The following DENND1B variants were observed in gnomAD, a reference collection of about 807,000 sequenced individuals.
DENND1B encodes DENN domain-containing protein 1B.
In DENND1B, 59 loss-of-function variants were observed where a neutral mutation model predicts 90.1. The ratio of observed to expected loss-of-function variants is 0.65; its 90% CI spans 0.53 to 0.81. The LOEUF is 0.81. Among genes scored for constraint, DENND1B ranks in the 40% least tolerant of loss-of-function variants. The probability of loss-of-function intolerance (pLI) is 0.00; values close to 1 mark genes in which losing one functional copy is unlikely to be tolerated. For synonymous variants in DENND1B, 337 were observed against 324.6 expected (o/e 1.04, Z -0.41); for missense variants, 862 against 912.6 (o/e 0.94, Z 0.71).
At chr1:197,776,631 T>G (rs920647354), upstream of DENND1B, among the ~76,000 whole-genome samples, 4 of 152,160 alleles carry the variant, frequency 2.6e-5, no homozygotes, top group Non-Finnish European at 5.9e-5. Context: ...TCATAAGACA[T>G]AAAAGTCAGA....
chr1:197,610,991 T>C (rs1677135417), intron 12 of DENND1B, among the ~76,000 whole-genome samples: 1 of 150,718 alleles, frequency 6.6e-6, no homozygotes, highest in Non-Finnish European at 1.5e-5. Flanking sequence ...TAAAGGGGCG[T>C]GACTCTTTCC....
intron 2 of DENND1B, among the ~76,000 whole-genome samples, chr1:197,721,520 G>A (rs891977167): frequency 2.3e-5 from 1 of 43,828 alleles, no homozygotes. Context: ...CCTTCAAAAG[G>A]AAAGGACATA....
chr1:197,610,160 G>T (rs1677051819), intron 12 of DENND1B, among the ~76,000 whole-genome samples: 1 of 150,768 alleles, frequency 6.6e-6, no homozygotes, highest in East Asian at 2.0e-4. Flanking sequence ...AAGACACTTA[G>T]ATAAGTCCAG....
At chr1:197,739,845 C>A (rs1448984051) in intron 2 of DENND1B, among the ~76,000 whole-genome samples, 1 of 152,152 alleles carries the variant, frequency 6.6e-6, no homozygotes, top group Non-Finnish European at 1.5e-5. Flanking sequence ...CAAATGATTT[C>A]ATCTTAATAA....
chr1:197,655,680 C>A (rs895907212), intron 6 of DENND1B, among the ~76,000 whole-genome samples: 3 of 152,008 alleles, frequency 2.0e-5, no homozygotes, highest in Non-Finnish European at 4.4e-5. Flanking sequence ...TACAGGCGCC[C>A]GCCACCACAC....
In DENND1B at chr1:197,510,613, A is replaced by G. The variant is rs759652031; in HGVS notation, c.2175T>C (p.Thr725=). The change falls in exon 23 of 23, where the codon ACT becomes ACC. Residue 725 remains threonine, a synonymous_variant. Transcript: ENST00000620048. The part of the protein sequence containing the change: ...LIPGLGRHSS[T]FVPWEKEGKE... ...TCCCTTCTTTCTCCCAAGGAACAAAAGTCGATGAATGCCGCCCAAGACCGG... is the reference window on the plus strand; with the variant it reads ...TCCCTTCTTTCTCCCAAGGAACAAAGGTCGATGAATGCCGCCCAAGACCGG... The G allele has an allele frequency of 2.8e-5, 45 of 1,612,720 alleles. No homozygotes were observed. The highest frequency in any genetic ancestry group is 3.7e-5 in the Non-Finnish European group (44 of 1,179,248).
chr1:197,739,860 T>C (rs1183357419), intron 2 of DENND1B, among the ~76,000 whole-genome samples: 1 of 152,186 alleles, frequency 6.6e-6, no homozygotes, highest in African/African-American at 2.4e-5. Context: ...TAATAAAACA[T>C]AATTGAGTCT....
chr1:197,528,847 G>A (rs1323649914), intron 20 of DENND1B, among the ~76,000 whole-genome samples: 4 of 134,144 alleles, frequency 3.0e-5, no homozygotes, highest in African/African-American at 5.1e-5. Context: ...GTGACAGAGC[G>A]AGACTCATCT....
rs763135103 is a variant in DENND1B, at chr1:197,510,810, G to T, written c.1978C>A (p.Leu660Met). ...CTGTTTTCCTCTTTCAGGATAAACA[G>T]AGAATCTGTCAAACCACTAGAGGAA... ...RVSSSGLTDS[L>M]FILKEENSNK... The change falls in exon 23 of 23, where the codon CTG (leucine) becomes ATG (methionine). Residue 660 changes from leucine to methionine, a missense_variant. Leu to Met is a conservative substitution (Grantham distance 15). Coordinates refer to ENST00000620048, the MANE Select transcript of DENND1B (RefSeq NM_001195215.2). 1.2e-6 allele frequency: 2 copies of T among 1,612,318 alleles called. No homozygotes were observed. The highest frequency in any genetic ancestry group is 1.7e-6 in the Non-Finnish European group (2 of 1,179,054).
chr1:197,704,564 G>GA (rs1268938841), intron 3 of DENND1B, among the ~76,000 whole-genome samples: 2 of 151,906 alleles, frequency 1.3e-5, no homozygotes, highest in Non-Finnish European at 2.9e-5. Context: ...ATCAAAAAAA[G>GA]AAAAAATATA....
At chr1:197,697,817 AAAG>A (rs200136410) in intron 3 of DENND1B, among the ~76,000 whole-genome samples, 2,664 of 152,238 alleles carry the variant, frequency 0.017, 72 homozygotes, top group African/African-American at 0.06. Flanking sequence ...CAAAAAAGAC[AAAG>A]AAGGGCATTA....
At chr1:197,619,517 C>A (rs569584017) in intron 10 of DENND1B, among the ~76,000 whole-genome samples, 2 of 151,128 alleles carry the variant, frequency 1.3e-5, no homozygotes, top group South Asian at 4.2e-4. Context: ...TCATTTAAAG[C>A]CTTAAAAACA....
intron 15 of DENND1B, among the ~76,000 whole-genome samples, chr1:197,575,446 G>T (rs1673584605): frequency 6.6e-6 from 1 of 152,176 alleles, no homozygotes; most frequent in Non-Finnish European, 1.5e-5. Flanking sequence ...ATGCTGGAGA[G>T]AATGTGGAGA....
intron 1 of DENND1B, among the ~76,000 whole-genome samples, chr1:197,773,923 A>C (rs1656927585): frequency 6.6e-6 from 1 of 152,212 alleles, no homozygotes; most frequent in Admixed American, 6.5e-5. Flanking sequence ...TACTTCCTTC[A>C]AGAAACGAAT....
In DENND1B at chr1:197,741,169, C is replaced by T. The variant is rs540673211; in HGVS notation, c.83-26095G>A. 2.3e-3 allele frequency among the ~76,000 whole-genome samples: 355 copies of T among 152,248 alleles called. 2 individuals are homozygous for T. Among genetic ancestry groups the T allele is most frequent in the African/African-American group, 8.0e-3 (332 of 41,556 alleles). On this transcript the variant is annotated intron_variant, in intron 2 of 22. Coordinates refer to ENST00000620048, the MANE Select transcript of DENND1B (RefSeq NM_001195215.2). ...TTGATAAAGCTTGCTTCCTTCAAATCAAGATAAACACCGCTGGCTGGTAAA... is the reference window on the plus strand; with the variant it reads ...TTGATAAAGCTTGCTTCCTTCAAATTAAGATAAACACCGCTGGCTGGTAAA...
chr1:197,728,686 T>C (rs2102307062), intron 2 of DENND1B, among the ~76,000 whole-genome samples: 1 of 152,298 alleles, frequency 6.6e-6, no homozygotes, highest in African/African-American at 2.4e-5. Context: ...TTAGTCTTCT[T>C]GCCACTCAGC....
intron 15 of DENND1B, among the ~76,000 whole-genome samples, chr1:197,571,033 C>T (rs2125732675): frequency 6.6e-6 from 1 of 151,160 alleles, no homozygotes; most frequent in East Asian, 2.0e-4. Flanking sequence ...TTATTTCTCT[C>T]TACTCTAACC....
intron 3 of DENND1B, among the ~76,000 whole-genome samples, chr1:197,676,082 C>CAAAAAAAAAAAAA (rs3046951): frequency 8.7e-6 from 1 of 114,924 alleles, no homozygotes; most frequent in Non-Finnish European, 1.7e-5. Flanking sequence ...ACAGTATAGA[C>CAAAAAAAAAAAAA]AAAAAAAAAA....
intron 12 of DENND1B, among the ~76,000 whole-genome samples, chr1:197,611,331 T>C (rs1157299565): frequency 1.8e-4 from 27 of 150,834 alleles, no homozygotes; most frequent in African/African-American, 4.8e-5. Context: ...ATGGTGTTAA[T>C]AGTTCAAGAT....
Sources: gnomAD v4.1 joint callset for allele counts (sites outside exome capture counted in the v4.1 genomes callset) on GRCh38, gnomAD v4.1.1 for gene constraint, MANE v1.5 for transcripts, NCBI Gene and HGNC (gene_info 2026-07-23, HGNC 2026-07-21) for gene names.